The following KCNQ2 variants were observed in gnomAD, a reference collection of about 807,000 sequenced individuals.
KCNQ2 encodes potassium voltage-gated channel subfamily KQT member 2.
Under a neutral mutation model 84.8 loss-of-function variants are expected in KCNQ2, and 14 were observed. The observed-to-expected ratio is 0.17, with a 90% CI of 0.11 to 0.26. The LOEUF is 0.26. KCNQ2 is among the 10% of genes least tolerant of loss of function. KCNQ2 has a pLI of 1.00. For synonymous variants in KCNQ2, 599 were observed against 554.1 expected (o/e 1.08, Z -1.14); for missense variants, 788 against 1,254.0 (o/e 0.63, Z 5.61).
intron 8 of KCNQ2, among the ~76,000 whole-genome samples, chr20:63,433,221 A>T (rs1736712758): frequency 6.6e-6 from 1 of 152,202 alleles, no homozygotes; most frequent in South Asian, 2.1e-4. Flanking sequence ...CACTGCCTCG[A>T]CAGGCACTTT....
At chr20:63,452,430 G>A (rs868374897) in intron 1 of KCNQ2, among the ~76,000 whole-genome samples, 2 of 152,236 alleles carry the variant, frequency 1.3e-5, no homozygotes, top group African/African-American at 4.8e-5. Context: ...CTGCTGGGAC[G>A]ACGCCCACCC....
At chr20:63,443,433 T>TCACCATCACCAC (rs2081315087) in intron 4 of KCNQ2, among the ~76,000 whole-genome samples, 1 of 20,002 alleles carries the variant, frequency 5.0e-5, no homozygotes, top group Non-Finnish European at 1.0e-4. Flanking sequence ...ATCATCACCA[T>TCACCATCACCAC]CACCATCACC....
chr20:63,469,686 A>G (rs905087189), intron 1 of KCNQ2, among the ~76,000 whole-genome samples: 16 of 152,252 alleles, frequency 1.1e-4, no homozygotes, highest in African/African-American at 3.9e-4. Context: ...CGGCAGCACA[A>G]GGAGCCCTGG....
rs768947587 is a variant in KCNQ2, at chr20:63,414,205, G to GAGA, written c.1526-15_1526-13dup. On this transcript the variant is annotated splice_polypyrimidine_tract_variant and intron_variant, in intron 13 of 16. Coordinates refer to ENST00000359125, the MANE Select transcript of KCNQ2 (RefSeq NM_172107.4). The surrounding 1 kb of genome is among the most constrained non-coding windows in gnomAD (Gnocchi z 6.6). The stretch of plus-strand genomic sequence containing the variant: ...GGGGAGGCTTGCTTCTGGGGGGAAG[G>GAGA]AGACAGGCCGTGAGGGGCCGAGGGG... 1.2e-6 allele frequency: 2 copies of GAGA among 1,602,214 alleles called. No homozygotes were observed. Among genetic ancestry groups the GAGA allele is most frequent in the African/African-American group, 2.7e-5 (2 of 74,814 alleles).
intron 15 of KCNQ2, among the ~76,000 whole-genome samples, chr20:63,410,312 C>G (rs2080084411): frequency 1.3e-5 from 2 of 152,180 alleles, no homozygotes; most frequent in Non-Finnish European, 2.9e-5. Context: ...GGAGCTGCTG[C>G]TGGGGGCTCC....
At chr20:63,469,891 G>A (rs1481436434) in intron 1 of KCNQ2, among the ~76,000 whole-genome samples, 2 of 152,268 alleles carry the variant, frequency 1.3e-5, no homozygotes, top group Non-Finnish European at 2.9e-5. Flanking sequence ...GGGGACAGCA[G>A]CAAACACCAC....
chr20:63,424,302 G>A (rs2080564693), intron 10 of KCNQ2, 96 bp from the exon 11 acceptor site: 1 of 1,385,690 alleles, frequency 7.2e-7, no homozygotes, highest in Non-Finnish European at 1.0e-6. Flanking sequence ...ATGGGTCAGG[G>A]GCTGCAGGGG....
At position 63,425,621 on chromosome 20, in the gene KCNQ2, G is replaced by T. The variant is rs1237521208; in HGVS notation, c.1218-1415C>A. ...TGTAATCCCAGGTACTCGGGAGGTTGAGGGAGGAGAATCACTTGAACCCAG... is the reference window on the plus strand; with the variant it reads ...TGTAATCCCAGGTACTCGGGAGGTTTAGGGAGGAGAATCACTTGAACCCAG... On this transcript the variant is annotated intron_variant, in intron 10 of 16. Coordinates refer to ENST00000359125, the MANE Select transcript of KCNQ2 (RefSeq NM_172107.4). The surrounding 1 kb of genome is among the most constrained non-coding windows in gnomAD (Gnocchi z 5.5). Among the ~76,000 whole-genome samples, 1 of 152,142 alleles carries T rather than the reference G, an allele frequency of 6.6e-6. No homozygotes were observed. The highest frequency in any genetic ancestry group is 1.9e-4 in the East Asian group (1 of 5,180).
Position 63,442,830 on chromosome 20 carries a change from TCACCACCACCACCATCACCATCACCAC to T in KCNQ2, c.691-326_691-300del, listed in dbSNP as rs2081233855. ...ATTACCACCACCATCACCATCACCA[TCACCACCACCACCATCACCATCACCAC>T]CACCATCACCATCACCATTATCACC... On this transcript the variant is annotated intron_variant, in intron 4 of 16. Coordinates refer to ENST00000359125, the MANE Select transcript of KCNQ2 (RefSeq NM_172107.4). 7.3e-4 allele frequency among the ~76,000 whole-genome samples: 15 copies of T among 20,502 alleles called. 1 individual carries two copies. Among genetic ancestry groups the T allele is most frequent in the Admixed American group, 5.2e-4 (1 of 1,938 alleles). The allele number at this position is 20,502 out of a possible 152,430, so 13.5% of individuals were successfully genotyped here. A position where few individuals can be genotyped will look rare whatever the true frequency, so the allele number is the denominator to read the frequency against.
chr20:63,406,431 G>A lies in KCNQ2; in HGVS notation c.*213C>T, dbSNP rs747386980. 4.2e-5 allele frequency: 27 copies of A among 637,190 alleles called. No individual in the cohort carries two copies. The highest frequency in any genetic ancestry group is 6.1e-5 in the Non-Finnish European group (23 of 377,740). The allele number at this position is 637,190 out of a possible 1,614,324, so 39.5% of individuals were successfully genotyped here. ...GCTGCTCCTGGAGCCACAGGGCCCT[G>A]CCCAGCCCTCCAGCCCCTGTTGGAA... is the stretch of plus-strand genomic sequence containing the variant. On this transcript the variant is annotated 3_prime_UTR_variant, in exon 17 of 17. Coordinates refer to ENST00000359125, the MANE Select transcript of KCNQ2 (RefSeq NM_172107.4).
intron 4 of KCNQ2, among the ~76,000 whole-genome samples, chr20:63,442,899 T>C (rs373445881): frequency 2.7e-3 from 58 of 21,540 alleles, no homozygotes; most frequent in East Asian, 8.8e-3. Context: ...ATCACCACCA[T>C]CACCACCACC....
chr20:63,461,528 G>A (rs562741336), intron 1 of KCNQ2, among the ~76,000 whole-genome samples: 105 of 152,332 alleles, frequency 6.9e-4, no homozygotes, highest in Middle Eastern at 3.4e-3. Context: ...TGGCCCACGA[G>A]GAGCCGCAAC....
chr20:63,419,782 C>T (rs755733685), intron 11 of KCNQ2, 110 bp from the exon 12 acceptor site: 14 of 995,424 alleles, frequency 1.4e-5, no homozygotes, highest in South Asian at 1.4e-5. Context: ...CAGTCCCCAG[C>T]GGCAGAGCTT....
At chr20:63,440,533 G>T (rs1398843505) in intron 5 of KCNQ2, among the ~76,000 whole-genome samples, 1 of 152,210 alleles carries the variant, frequency 6.6e-6, no homozygotes, top group East Asian at 1.9e-4. Context: ...CTCTGGCTAG[G>T]ACCAGAAGGT....
chr20:63,431,235 C>T, intron 9 of KCNQ2, 105 bp downstream of exon 9: 3 of 1,301,722 alleles, frequency 2.3e-6, no homozygotes, highest in Non-Finnish European at 2.2e-6. Context: ...GGTCACTCTG[C>T]AGACCGGGTG....
rs748120886 is a variant in KCNQ2 at position 63,419,650 on chromosome 20, G to A, written c.1270C>T (p.Pro424Ser). ...SPSKGSPCRG[P>S]LCGCCPGRSS... ...CGTCCGGGGCAGCATCCACACAGGG[G>A]CCCTCTGCACGGGCTGCCTTTACTG... The change falls in exon 12 of 17, where the codon CCC becomes TCC. Residue 424 changes from proline to serine, a missense_variant. Pro to Ser is a moderately conservative substitution (Grantham distance 74, BLOSUM62 -1). Coordinates refer to ENST00000359125, the MANE Select transcript of KCNQ2 (RefSeq NM_172107.4). 26 of 1,611,498 alleles carry A rather than the reference G, an allele frequency of 1.6e-5. No homozygotes were observed. In the Admixed American group the frequency reaches 4.2e-4, roughly 26 times the overall value.
At chr20:63,411,242 C>A (rs1161191466) in intron 15 of KCNQ2, among the ~76,000 whole-genome samples, 1 of 152,188 alleles carries the variant, frequency 6.6e-6, no homozygotes, top group African/African-American at 2.4e-5. Flanking sequence ...GTATCTTCCA[C>A]GAGAGGGAAG....
chr20:63,445,612 C>G, intron 2 of KCNQ2: 1 of 585,820 alleles, frequency 1.7e-6, no homozygotes, highest in Non-Finnish European at 3.0e-6. Context: ...CCCCACCTCC[C>G]TGTCTGAGCT....
intron 4 of KCNQ2, among the ~76,000 whole-genome samples, chr20:63,443,462 A>G (rs1600779716): frequency 1.0e-5 from 1 of 99,252 alleles, no homozygotes; most frequent in African/African-American, 4.1e-5. Flanking sequence ...CACCATCACC[A>G]CCATCACCAC....
Sources: gnomAD v4.1 joint callset for allele counts (sites outside exome capture counted in the v4.1 genomes callset) on GRCh38, gnomAD v4.1.1 for gene constraint, Gnocchi (gnomAD v3.1) non-coding constraint, MANE v1.5 for transcripts, NCBI Gene and HGNC (gene_info 2026-07-23, HGNC 2026-07-21) for gene names.